The following PTPN4 variants were observed in gnomAD, a reference collection of about 807,000 sequenced individuals.
PTPN4 encodes the protein protein tyrosine phosphatase non-receptor type 4, also known as tyrosine-protein phosphatase non-receptor type 4.
A neutral mutation model predicts 135.5 loss-of-function variants in PTPN4; 49 were observed. That is an observed-to-expected ratio of 0.36 (90% CI 0.29 to 0.46). PTPN4 has a LOEUF of 0.46. PTPN4 is among the 20% of genes least tolerant of loss of function. PTPN4 has a pLI of 1.00. For missense variants in PTPN4, 860 were observed against 1,101.0 expected (o/e 0.78, Z 3.10); for synonymous variants, 333 against 369.9 (o/e 0.90, Z 1.14).
intron 2 of PTPN4, among the ~76,000 whole-genome samples, chr2:119,852,208 C>T (rs554784401): frequency 3.1e-4 from 47 of 152,100 alleles, no homozygotes; most frequent in African/African-American, 8.0e-4. Flanking sequence ...TTCTTTTTTC[C>T]GCTTCTCCTT....
At chr2:119,968,360 C>G (rs527413185) in intron 26 of PTPN4, among the ~76,000 whole-genome samples, 1 of 152,310 alleles carries the variant, frequency 6.6e-6, no homozygotes, top group Non-Finnish European at 1.5e-5. Context: ...TAAACAGGCA[C>G]AGAGGAACTT....
chr2:119,934,129 G>A (rs1469754479), intron 14 of PTPN4, among the ~76,000 whole-genome samples: 1 of 152,172 alleles, frequency 6.6e-6, no homozygotes, highest in East Asian at 1.9e-4. Flanking sequence ...ATTCTGAAGA[G>A]ATAGTACAAG....
intron 1 of PTPN4, among the ~76,000 whole-genome samples, chr2:119,785,851 G>A (rs1297852564): frequency 6.6e-6 from 1 of 152,116 alleles, no homozygotes; most frequent in Non-Finnish European, 1.5e-5. Context: ...TTCATGGTAT[G>A]TATGAAATCC....
chr2:119,893,811 C>T (rs1441029703), intron 9 of PTPN4, among the ~76,000 whole-genome samples: 1 of 151,422 alleles, frequency 6.6e-6, no homozygotes, highest in Non-Finnish European at 1.5e-5. Flanking sequence ...AAAATGAGGA[C>T]AGAGAACTGG....
At chr2:119,860,659 A>G (rs1410616709) in intron 2 of PTPN4, among the ~76,000 whole-genome samples, 1 of 152,198 alleles carries the variant, frequency 6.6e-6, no homozygotes, top group Non-Finnish European at 1.5e-5. Context: ...GAGAAGAAAA[A>G]CTAGTGGTAA....
chr2:119,782,793 C>T (rs1690966740), intron 1 of PTPN4, among the ~76,000 whole-genome samples: 1 of 145,402 alleles, frequency 6.9e-6, no homozygotes, highest in Non-Finnish European at 1.5e-5. Context: ...ACAGCCTCAA[C>T]CCCCCAGGCT....
At chr2:119,883,243 T>C (rs973267806) in intron 8 of PTPN4, among the ~76,000 whole-genome samples, 2 of 152,140 alleles carry the variant, frequency 1.3e-5, no homozygotes, top group African/African-American at 4.8e-5. Flanking sequence ...TAATATTACC[T>C]TCAGGCTATG....
intron 2 of PTPN4, among the ~76,000 whole-genome samples, chr2:119,860,954 T>C (rs1677751853): frequency 6.6e-6 from 1 of 151,350 alleles, no homozygotes; most frequent in Non-Finnish European, 1.5e-5. Flanking sequence ...GACAGGAGAA[T>C]CGCTTGAACG....
rs116733217 is a variant in PTPN4 at position 119,801,415 on chromosome 2, T to C, written c.-17-8422T>C. 3.2e-3 allele frequency among the ~76,000 whole-genome samples: 491 copies of C among 152,270 alleles called. 2 individuals are homozygous for C. The highest frequency in any genetic ancestry group is 0.011 in the African/African-American group (462 of 41,564). ...CCATATTAATTTTAGAATAAAATTA[T>C]CTAAAATAAAATTATCTACAAAAAA... On this transcript the variant is annotated intron_variant, in intron 1 of 26. Coordinates refer to ENST00000263708, the MANE Select transcript of PTPN4 (RefSeq NM_002830.4).
Position 119,976,970 on chromosome 2 carries a change from A to G in PTPN4, c.2695-14A>G. The G allele has an allele frequency of 1.3e-6, 2 of 1,596,286 alleles. No homozygotes were observed. The highest frequency in any genetic ancestry group is 8.5e-7 in the Non-Finnish European group (1 of 1,175,438). On this transcript the variant is annotated splice_polypyrimidine_tract_variant and intron_variant, in intron 26 of 26. Coordinates refer to ENST00000263708, the MANE Select transcript of PTPN4 (RefSeq NM_002830.4). Reference sequence around the variant, plus strand: ...TTTTCTGATCAGTTCTGTTTTTTATATTTTATTTTTCAGAGTCAATACAGA... The same window carrying G: ...TTTTCTGATCAGTTCTGTTTTTTATGTTTTATTTTTCAGAGTCAATACAGA...
At chr2:119,872,358 G>A (rs1033478871) in intron 3 of PTPN4, among the ~76,000 whole-genome samples, 1 of 152,100 alleles carries the variant, frequency 6.6e-6, no homozygotes, top group Admixed American at 6.5e-5. Context: ...ATATCACAAT[G>A]TATACAGCTA....
intron 6 of PTPN4, 114 bp downstream of exon 6, chr2:119,881,944 T>G (rs532803724): frequency 2.9e-6 from 3 of 1,050,680 alleles, no homozygotes; most frequent in East Asian, 4.8e-5. Flanking sequence ...GAAGGTTACA[T>G]GTAGTGTGAA....
chr2:119,900,589 G>T, intron 9 of PTPN4, 129 bp from the exon 10 acceptor site: 1 of 496,802 alleles, frequency 2.0e-6, no homozygotes, highest in Non-Finnish European at 3.5e-6. Context: ...TTTCTAATTA[G>T]TATTCGGTTC....
At chr2:119,949,365 A>C (rs1263636862) in intron 18 of PTPN4, among the ~76,000 whole-genome samples, 1 of 152,172 alleles carries the variant, frequency 6.6e-6, no homozygotes, top group African/African-American at 2.4e-5. Flanking sequence ...GAAAAGGAAA[A>C]GGTTTCTGTT....
At chr2:119,814,472 T>A (rs1413004065) in intron 2 of PTPN4, among the ~76,000 whole-genome samples, 2 of 152,168 alleles carry the variant, frequency 1.3e-5, no homozygotes, top group African/African-American at 4.8e-5. Flanking sequence ...ACTCTCAACA[T>A]TTTTTCAGTC....
rs1359362920 is a variant in PTPN4 at position 119,955,335 on chromosome 2, C to A, written c.1980+12C>A. ...TGACACAGTTTGATGTAAGTAATAT[C>A]ATTATATATTAAAAGCATTTTGCTG... On this transcript the variant is annotated intron_variant, in intron 20 of 26. Coordinates refer to ENST00000263708, the MANE Select transcript of PTPN4 (RefSeq NM_002830.4). The A allele has an allele frequency of 1.9e-6, 3 of 1,542,860 alleles. 1 individual carries two copies. In the South Asian group the frequency reaches 3.8e-5, roughly 19 times the overall value.
At chr2:119,760,733 C>CTTTTTTTTTTTTT (rs59953430) in intron 1 of PTPN4, among the ~76,000 whole-genome samples, 29 of 79,906 alleles carry the variant, frequency 3.6e-4, no homozygotes, top group South Asian at 5.7e-4. Context: ...GGTAGAATTC[C>CTTTTTTTTTTTTT]TTTTTTTTTT....
chr2:119,765,801 A>G (rs1215025225), intron 1 of PTPN4, among the ~76,000 whole-genome samples: 1 of 152,186 alleles, frequency 6.6e-6, no homozygotes, highest in Non-Finnish European at 1.5e-5. Flanking sequence ...CAGCATATAG[A>G]AAAAGTCAAA....
chr2:119,944,799 T>A (rs916996361), intron 15 of PTPN4, among the ~76,000 whole-genome samples: 25 of 146,034 alleles, frequency 1.7e-4, no homozygotes, highest in Admixed American at 1.4e-3. Flanking sequence ...CTTAAAAAAA[T>A]TTTTTTGGAA....
Sources: allele counts gnomAD v4.1 joint callset (sites outside exome capture counted in the v4.1 genomes callset), GRCh38; gene constraint gnomAD v4.1.1; transcripts MANE v1.5; gene names NCBI Gene and HGNC (gene_info 2026-07-23, HGNC 2026-07-21).